The following TBC1D30 variants were observed in gnomAD, a reference collection of about 807,000 sequenced individuals.
The protein encoded by TBC1D30 is TBC1 domain family, member 30.
In TBC1D30, 31 loss-of-function variants were observed where a neutral mutation model predicts 63.2. That is an observed-to-expected ratio of 0.49 (90% CI 0.37 to 0.66). TBC1D30 has a LOEUF of 0.66. Ranked by LOEUF, TBC1D30 falls within the 30% of genes least tolerant of loss-of-function variation. The pLI, the probability that TBC1D30 is intolerant of heterozygous loss-of-function variation, is 0.00. For missense variants in TBC1D30, 810 were observed against 953.6 expected, an observed-to-expected ratio of 0.85 and a Z score of 1.98; for synonymous variants, 307 against 361.5, an observed-to-expected ratio of 0.85 and a Z score of 1.71.
At position 64,832,367 on chromosome 12, in the gene TBC1D30, A is replaced by C. The variant is rs189675962; in HGVS notation, c.594+63A>C. The C allele has an allele frequency of 6.3e-4, 913 of 1,456,364 alleles. 6 individuals are homozygous for C. The African/African-American group carries it at 0.011, about 18-fold the overall frequency. 90.2% of individuals were successfully genotyped at this position (1,456,364 alleles called of 1,614,324 possible). A position where few individuals can be genotyped will look rare whatever the true frequency, so the allele number is the denominator to read the frequency against. On this transcript the variant is annotated intron_variant, in intron 5 of 11. Coordinates refer to ENST00000539867, the MANE Select transcript of TBC1D30 (RefSeq NM_015279.2). ...TCTGAGAGTGAGAAATTGGAACCAT[A>C]ATTTCTCTTCCTTGATGTCTCATCC... is the stretch of plus-strand genomic sequence containing the variant.
chr12:64,840,083 A>G (rs1390301274), intron 7 of TBC1D30, among the ~76,000 whole-genome samples: 1 of 151,678 alleles, frequency 6.6e-6, no homozygotes, highest in Non-Finnish European at 1.5e-5. Context: ...TGTATTTTTA[A>G]ACATCACCTA....
chr12:64,810,384 C>T (rs1400799054), intron 2 of TBC1D30, among the ~76,000 whole-genome samples: 1 of 152,126 alleles, frequency 6.6e-6, no homozygotes, highest in African/African-American at 2.4e-5. Context: ...CGGAGGATCA[C>T]CTAAAGTCAG....
chr12:64,866,920 T>C lies in TBC1D30; in HGVS notation c.1291+17T>C, dbSNP rs1475401084. 5.9e-6 allele frequency: 9 copies of C among 1,535,624 alleles called. No individual in the cohort carries two copies. In the South Asian group the frequency reaches 1.1e-4, roughly 18 times the overall value. The stretch of plus-strand genomic sequence containing the variant: ...AAATTAAAGGTAAAGAGGTGGCTCT[T>C]GATTTAGATTATCATGATGTATTGG... On this transcript the variant is annotated intron_variant, in intron 10 of 11. Transcript: ENST00000539867.
intron 2 of TBC1D30, among the ~76,000 whole-genome samples, chr12:64,816,092 G>T (rs1021139403): frequency 6.6e-6 from 1 of 150,894 alleles, no homozygotes; most frequent in Non-Finnish European, 1.5e-5. Flanking sequence ...GAGCGCAGTG[G>T]TGCAATCTTG....
intron 5 of TBC1D30, among the ~76,000 whole-genome samples, chr12:64,833,918 T>C (rs1164061321): frequency 6.6e-6 from 1 of 152,114 alleles, no homozygotes; most frequent in Non-Finnish European, 1.5e-5. Context: ...AATTGTTTTC[T>C]AGAGCAATTG....
chr12:64,794,454 T>C (rs945824539), intron 2 of TBC1D30, among the ~76,000 whole-genome samples: 1 of 152,228 alleles, frequency 6.6e-6, no homozygotes, highest in African/African-American at 2.4e-5. Context: ...TTCTTTTTTT[T>C]TTGAGACAGG....
At chr12:64,826,645 C>T (rs1253860356) in intron 1 of TBC1D30, among the ~76,000 whole-genome samples, 1 of 151,956 alleles carries the variant, frequency 6.6e-6, no homozygotes, top group East Asian at 1.9e-4. Flanking sequence ...CAGAGAGAGG[C>T]GGATCCATGT....
At chr12:64,814,655 T>G (rs1481856355) in intron 2 of TBC1D30, among the ~76,000 whole-genome samples, 2 of 152,192 alleles carry the variant, frequency 1.3e-5, no homozygotes, top group Non-Finnish European at 2.9e-5. Context: ...GACACTCTGT[T>G]GTAAGCACGG....
At chr12:64,854,498 CTTTT>C (rs71278243) in intron 8 of TBC1D30, among the ~76,000 whole-genome samples, 1 of 138,822 alleles carries the variant, frequency 7.2e-6, no homozygotes. Context: ...CTTTTTCTTT[CTTTT>C]TTTTTTTTTT....
At chr12:64,791,057 G>T (rs1189390588) in intron 2 of TBC1D30, among the ~76,000 whole-genome samples, 1 of 152,088 alleles carries the variant, frequency 6.6e-6, no homozygotes, top group Non-Finnish European at 1.5e-5. Context: ...TGGATGAATG[G>T]ATATATCAAA....
At chr12:64,806,495 C>A (rs1363291953) in intron 2 of TBC1D30, among the ~76,000 whole-genome samples, 2 of 152,194 alleles carry the variant, frequency 1.3e-5, no homozygotes, top group Non-Finnish European at 1.5e-5. Flanking sequence ...ATTAGGAGCT[C>A]TGTTATTGTT....
intron 2 of TBC1D30, among the ~76,000 whole-genome samples, chr12:64,787,963 G>A (rs2136298644): frequency 6.6e-6 from 1 of 152,296 alleles, no homozygotes; most frequent in Admixed American, 6.5e-5. Context: ...GAACCCAGGA[G>A]GCGGGGGTTG....
upstream of TBC1D30, chr12:64,824,622 C>T (rs1031249745): frequency 1.3e-5 from 5 of 391,194 alleles, no homozygotes; most frequent in Non-Finnish European, 2.2e-5. Context: ...TCCCGCCCTC[C>T]CCGCCTCGAG....
intron 1 of TBC1D30, among the ~76,000 whole-genome samples, chr12:64,765,114 A>G (rs1199747795): frequency 1.3e-5 from 2 of 152,148 alleles, no homozygotes; most frequent in African/African-American, 4.8e-5. Flanking sequence ...TTTCCAGAAT[A>G]AGGCTCAACA....
chr12:64,848,353 C>T (rs1876572318), intron 8 of TBC1D30, among the ~76,000 whole-genome samples: 1 of 151,562 alleles, frequency 6.6e-6, no homozygotes, highest in African/African-American at 2.4e-5. Flanking sequence ...TATATATGTG[C>T]CGTGGTGGTT....
chr12:64,836,663 G>T lies in TBC1D30; in HGVS notation c.763+5G>T. ...CTGCAAACAAAGAAAGTGGAGGTAGGTTTCAATGCTATTATAACTCTGAAA... is the reference window on the plus strand; with the variant it reads ...CTGCAAACAAAGAAAGTGGAGGTAGTTTTCAATGCTATTATAACTCTGAAA... On this transcript the variant is annotated splice_donor_5th_base_variant and intron_variant, in intron 6 of 11. Transcript: ENST00000539867. 6.5e-7 allele frequency: 1 copy of T among 1,531,518 alleles called. No individual in the cohort carries two copies. The highest frequency in any genetic ancestry group is 8.7e-7 in the Non-Finnish European group (1 of 1,143,414). The allele number at this position is 1,531,518 out of a possible 1,614,324, so 94.9% of individuals were successfully genotyped here.
exon 1 of TBC1D30, chr12:64,759,552 C>G: frequency 2.8e-6 from 1 of 362,020 alleles, no homozygotes; most frequent in Non-Finnish European, 4.7e-6. Context: ...GGCGGAGAAC[C>G]GGAGAAAAGG....
chr12:64,856,040 T>C (rs527736485), intron 8 of TBC1D30, among the ~76,000 whole-genome samples: 1 of 152,270 alleles, frequency 6.6e-6, no homozygotes, highest in South Asian at 2.1e-4. Context: ...ATGCAGGCTG[T>C]ATAAGCAGCA....
chr12:64,820,833 A>G (rs1158205317), upstream of TBC1D30, among the ~76,000 whole-genome samples: 1 of 152,254 alleles, frequency 6.6e-6, no homozygotes, highest in East Asian at 1.9e-4. Context: ...ATTGTGTTTT[A>G]GTGCTCATGT....
Sources: gnomAD v4.1 joint callset for allele counts (sites outside exome capture counted in the v4.1 genomes callset) on GRCh38, gnomAD v4.1.1 for gene constraint, MANE v1.5 for transcripts, NCBI Gene and HGNC (gene_info 2026-07-23, HGNC 2026-07-21) for gene names.